SYNE1: variants seen among roughly 807,000 people sequenced by gnomAD.
SYNE1 encodes nesprin-1.
A neutral mutation model predicts 1,111.0 loss-of-function variants in SYNE1; 616 were observed. The ratio of observed to expected loss-of-function variants is 0.55; its 90% CI spans 0.52 to 0.59. SYNE1 has a LOEUF of 0.59. Among genes scored for constraint, SYNE1 ranks in the 20% least tolerant of loss-of-function variants. SYNE1 has a pLI of 0.00. For synonymous variants in SYNE1, 3,855 were observed against 3,825.8 expected (o/e 1.01, Z -0.28); for missense variants, 10,006 against 10,417.0 (o/e 0.96, Z 1.72).
chr6:152,628,736 T>C (rs944944023), intron 2 of SYNE1, among the ~76,000 whole-genome samples, 182 bp from the exon 3 acceptor site: 1 of 152,188 alleles, frequency 6.6e-6, no homozygotes, highest in Admixed American at 6.5e-5. Context: ...TCCCATGATA[T>C]TTAATAAAAT....
intron 127 of SYNE1, 127 bp downstream of exon 127, chr6:152,201,697 C>G (rs1195729395): frequency 7.0e-7 from 1 of 1,420,474 alleles, no homozygotes; most frequent in Non-Finnish European, 9.9e-7. Context: ...GTTGCCTGTC[C>G]TTATGTCATA....
chr6:152,416,224 T>C (rs2098152545), intron 41 of SYNE1, among the ~76,000 whole-genome samples, 163 bp downstream of exon 41: 1 of 152,194 alleles, frequency 6.6e-6, no homozygotes, highest in Admixed American at 6.5e-5. Flanking sequence ...AGGCAGCTGC[T>C]TGCATGACTC....
At chr6:152,626,934 A>G (rs554535704) in intron 3 of SYNE1, among the ~76,000 whole-genome samples, 38 of 152,376 alleles carry the variant, frequency 2.5e-4, no homozygotes, top group African/African-American at 8.7e-4. Flanking sequence ...TGCTATGCAC[A>G]GCAAATGCAT....
chr6:152,189,158 G>T, intron 128 of SYNE1, 94 bp downstream of exon 128: 2 of 1,321,804 alleles, frequency 1.5e-6, no homozygotes, highest in Non-Finnish European at 2.2e-6. Flanking sequence ...AGAATTATGG[G>T]CCGGGTCCAC....
chr6:152,356,505 A>G (rs1563316377), intron 66 of SYNE1, among the ~76,000 whole-genome samples: 1 of 148,024 alleles, frequency 6.8e-6, no homozygotes, highest in Non-Finnish European at 1.5e-5. Flanking sequence ...ATGTGTGTAT[A>G]TAATATATTA....
chr6:152,364,709 G>GAAGA, intron 63 of SYNE1, 138 bp downstream of exon 63: 1 of 900,824 alleles, frequency 1.1e-6, no homozygotes, highest in Non-Finnish European at 1.8e-6. Context: ...AGGAAGGAAG[G>GAAGA]AAGGAAGGAA....
intron 115 of SYNE1, among the ~76,000 whole-genome samples, chr6:152,227,652 CA>C (rs1326035588): frequency 2.0e-5 from 3 of 152,076 alleles, no homozygotes; most frequent in Non-Finnish European, 2.9e-5. Context: ...ACAATCCTTC[CA>C]ATATGTCTTT....
chr6:152,610,168 T>G (rs930628696), intron 3 of SYNE1, among the ~76,000 whole-genome samples: 1 of 152,160 alleles, frequency 6.6e-6, no homozygotes, highest in Non-Finnish European at 1.5e-5. Context: ...CAGAGTAGGC[T>G]TCAGAAGGTT....
chr6:152,611,152 C>A (rs1222409121), intron 3 of SYNE1, among the ~76,000 whole-genome samples: 1 of 152,100 alleles, frequency 6.6e-6, no homozygotes, highest in Non-Finnish European at 1.5e-5. Flanking sequence ...ACAATATTAA[C>A]CTTAAATGTA....
intron 107 of SYNE1, among the ~76,000 whole-genome samples, chr6:152,241,599 G>A (rs1331120704): frequency 1.3e-5 from 2 of 151,680 alleles, no homozygotes; most frequent in Admixed American, 6.6e-5. Flanking sequence ...ATGATGGAGT[G>A]ATTTCGGGCC....
intron 3 of SYNE1, among the ~76,000 whole-genome samples, chr6:152,556,642 A>G (rs1046803623): frequency 9.2e-5 from 14 of 152,300 alleles, no homozygotes; most frequent in African/African-American, 3.4e-4. Context: ...CTTTACTCCC[A>G]TGGTCCAAAA....
At position 152,430,583 on chromosome 6, in the gene SYNE1, T is replaced by C. The variant is rs1319664612; in HGVS notation, c.4588A>G (p.Arg1530Gly). ...ARIKAKLTQI[R>G]RYGEELREHA... Reference sequence around the variant, plus strand: ...TCTCGAAGCTCTTCCCCGTATCTTCTTATTTGTGTCAACTTGGCTTTAATT... The same window carrying C: ...TCTCGAAGCTCTTCCCCGTATCTTCCTATTTGTGTCAACTTGGCTTTAATT... The change falls in exon 35 of 146, where the codon AGA (arginine) becomes GGA (glycine). Residue 1530 changes from arginine to glycine, a missense_variant. Physicochemically the swap from Arg to Gly is moderately radical, Grantham distance 125 (BLOSUM62 -2). Coordinates refer to ENST00000367255, the MANE Select transcript of SYNE1 (RefSeq NM_182961.4). 6.2e-7 allele frequency: 1 copy of C among 1,614,188 alleles called. No homozygotes were observed. The highest frequency in any genetic ancestry group is 2.2e-5 in the East Asian group (1 of 44,882).
chr6:152,130,609 ATT>A lies in SYNE1; in HGVS notation c.26153+109_26153+110del. On this transcript the variant is annotated intron_variant, in intron 145 of 145. Transcript: ENST00000367255. ...GAAAGGGTGTGGACTGAAATGAGTA[ATT>A]TCCCAACTACCCTGAGGCAGACCAG... is the stretch of plus-strand genomic sequence containing the variant. 2.7e-6 allele frequency: 3 copies of A among 1,104,254 alleles called. No individual in the cohort carries two copies. In the East Asian group the frequency reaches 7.2e-5, roughly 26 times the overall value. 68.4% of individuals were successfully genotyped at this position (1,104,254 alleles called of 1,614,324 possible).
Position 152,601,967 on chromosome 6 carries a change from C to A in SYNE1, c.67+26298G>T, listed in dbSNP as rs560117469. On this transcript the variant is annotated intron_variant, in intron 3 of 145. Transcript: ENST00000367255. ...ATGCTGCTTGTCCTGGATGGTCTTG[C>A]CCCTGGGTCTCCACTCATTTTGATC... 5.9e-5 allele frequency among the ~76,000 whole-genome samples: 9 copies of A among 152,196 alleles called. No homozygotes were observed. The South Asian group carries it at 1.7e-3, about 28-fold the overall frequency.
intron 101 of SYNE1, among the ~76,000 whole-genome samples, chr6:152,259,181 T>G (rs1018825838): frequency 1.3e-5 from 2 of 152,202 alleles, no homozygotes; most frequent in Non-Finnish European, 2.9e-5. Flanking sequence ...TCTACTACTT[T>G]AATTTCCATA....
intron 80 of SYNE1, among the ~76,000 whole-genome samples, chr6:152,325,627 T>G (rs905521504): frequency 1.2e-4 from 19 of 152,230 alleles, no homozygotes; most frequent in African/African-American, 4.6e-4. Flanking sequence ...TGTTACATTT[T>G]TTCCTTATAT....
In SYNE1 at chr6:152,552,647, T is replaced by G. The variant is rs114676183; in HGVS notation, c.68-12626A>C. On this transcript the variant is annotated intron_variant, in intron 3 of 145. Coordinates refer to ENST00000367255, the MANE Select transcript of SYNE1 (RefSeq NM_182961.4). ...CAGCAAGCACCTAAAAGAGTGAACC[T>G]GAGAAATAAGGTCAAATCACAGAGT... is the stretch of plus-strand genomic sequence containing the variant. 9.2e-3 allele frequency among the ~76,000 whole-genome samples: 1,394 copies of G among 152,242 alleles called. 17 individuals are homozygous for G. Among genetic ancestry groups the G allele is most frequent in the African/African-American group, 0.032 (1,325 of 41,560 alleles).
intron 122 of SYNE1, among the ~76,000 whole-genome samples, chr6:152,214,090 A>G (rs2078084483): frequency 6.6e-6 from 1 of 151,754 alleles, no homozygotes; most frequent in South Asian, 2.1e-4. Flanking sequence ...AATCCCAGCT[A>G]CTTGGGATGC....
chr6:152,629,690 C>A (rs949814567), intron 2 of SYNE1, among the ~76,000 whole-genome samples: 8 of 151,930 alleles, frequency 5.3e-5, no homozygotes, highest in African/African-American at 1.9e-4. Context: ...AATAATTAGA[C>A]AGAAAGAAGA....
Sources: gnomAD v4.1 joint callset for allele counts (sites outside exome capture counted in the v4.1 genomes callset) on GRCh38, gnomAD v4.1.1 for gene constraint, MANE v1.5 for transcripts, NCBI Gene and HGNC (gene_info 2026-07-23, HGNC 2026-07-21) for gene names.